KAZN: variants seen among roughly 807,000 people sequenced by gnomAD.
The protein encoded by KAZN is kazrin.
A neutral mutation model predicts 87.4 loss-of-function variants in KAZN; 40 were observed. The observed-to-expected ratio is 0.46, with a 90% CI of 0.36 to 0.60. The LOEUF (loss-of-function observed/expected upper bound fraction) is 0.60. KAZN is among the 20% of genes least tolerant of loss of function. The probability of loss-of-function intolerance (pLI) is 0.00; values close to 1 mark genes in which losing one functional copy is unlikely to be tolerated. For synonymous variants in KAZN, 466 were observed against 458.3 expected (o/e 1.02, Z -0.22); for missense variants, 898 against 1,073.9 (o/e 0.84, Z 2.29).
chr1:14,322,300 T>C (rs912531350), intron 2 of KAZN, among the ~76,000 whole-genome samples: 1 of 152,090 alleles, frequency 6.6e-6, no homozygotes, highest in African/African-American at 2.4e-5. Context: ...AAACCAAGTA[T>C]GAAACAATGA....
chr1:14,542,671 A>G (rs1156812794), intron 2 of KAZN, among the ~76,000 whole-genome samples: 1 of 152,160 alleles, frequency 6.6e-6, no homozygotes, highest in Non-Finnish European at 1.5e-5. Flanking sequence ...TGAGCATAGT[A>G]TCGGATAGGT....
At chr1:13,987,772 T>C (rs1370932645) in intron 1 of KAZN, among the ~76,000 whole-genome samples, 2 of 152,184 alleles carry the variant, frequency 1.3e-5, no homozygotes, top group African/African-American at 4.8e-5. Flanking sequence ...TGTTACAATG[T>C]CAATTAAATT....
intron 1 of KAZN, among the ~76,000 whole-genome samples, chr1:14,699,712 G>A (rs1003938574): frequency 5.3e-5 from 8 of 152,218 alleles, no homozygotes; most frequent in Non-Finnish European, 8.8e-5. Context: ...GAACGAACCA[G>A]CCAGCGGTGT....
At chr1:14,101,468 G>T (rs1451849283) in intron 1 of KAZN, among the ~76,000 whole-genome samples, 1 of 152,212 alleles carries the variant, frequency 6.6e-6, no homozygotes, top group Non-Finnish European at 1.5e-5. Context: ...TTGAATCCAG[G>T]TTTATCTCAC....
At chr1:14,914,349 C>T (rs931981388) in intron 1 of KAZN, among the ~76,000 whole-genome samples, 2 of 152,238 alleles carry the variant, frequency 1.3e-5, no homozygotes, top group African/African-American at 2.4e-5. Flanking sequence ...CACCCACCAA[C>T]AGGAGAAAAG....
At chr1:14,977,988 G>C (rs1040481701) in intron 2 of KAZN, among the ~76,000 whole-genome samples, 2 of 148,244 alleles carry the variant, frequency 1.3e-5, no homozygotes, top group Non-Finnish European at 3.0e-5. Context: ...CATCTCCCTG[G>C]TTCAAGCGAT....
chr1:14,399,326 T>G (rs1205660795), intron 2 of KAZN, among the ~76,000 whole-genome samples: 4 of 152,140 alleles, frequency 2.6e-5, no homozygotes, highest in Non-Finnish European at 5.9e-5. Flanking sequence ...CCAAAGATGT[T>G]TTGATAACAG....
At chr1:14,929,120 C>T (rs1659503941) in intron 1 of KAZN, among the ~76,000 whole-genome samples, 1 of 152,250 alleles carries the variant, frequency 6.6e-6, no homozygotes, top group Non-Finnish European at 1.5e-5. Context: ...GGAAATTGGA[C>T]AGGAATCTGT....
rs148758520 is a variant in KAZN at position 14,687,132 on chromosome 1, C to T, written c.226+87909C>T. On this transcript the variant is annotated intron_variant, in intron 1 of 14. Coordinates refer to ENST00000376030, the MANE Select transcript of KAZN (RefSeq NM_201628.3). Reference sequence around the variant, plus strand: ...ACTATGGTTACCAGCATTCAAGGTACCCTCCCTTATTTTCACTGAGGTGGC... The same window carrying T: ...ACTATGGTTACCAGCATTCAAGGTATCCTCCCTTATTTTCACTGAGGTGGC... 3.6e-3 allele frequency among the ~76,000 whole-genome samples: 548 copies of T among 152,236 alleles called. 4 individuals carry two copies. The highest frequency in any genetic ancestry group is 0.013 in the African/African-American group (524 of 41,532).
intron 10 of KAZN, among the ~76,000 whole-genome samples, chr1:15,100,372 G>A (rs1214455316): frequency 1.3e-5 from 2 of 152,168 alleles, no homozygotes; most frequent in Admixed American, 1.3e-4. Context: ...TGCTGCCCCA[G>A]GAGCAGGGTG....
At chr1:14,085,561 T>C (rs910742600) in intron 1 of KAZN, among the ~76,000 whole-genome samples, 11 of 152,348 alleles carry the variant, frequency 7.2e-5, no homozygotes, top group Non-Finnish European at 1.0e-4. Flanking sequence ...ACTTAGCATA[T>C]TGCTTTTGAC....
intron 2 of KAZN, among the ~76,000 whole-genome samples, chr1:14,259,158 T>C (rs1650813459): frequency 6.6e-6 from 1 of 151,964 alleles, no homozygotes. Context: ...CTCACGTGGC[T>C]AGGCAGCATG....
At chr1:14,044,744 A>G (rs775644631) in intron 1 of KAZN, among the ~76,000 whole-genome samples, 1 of 152,234 alleles carries the variant, frequency 6.6e-6, no homozygotes, top group Non-Finnish European at 1.5e-5. Context: ...AGGCAATGTC[A>G]TGGAGTAAGG....
chr1:14,817,793 T>C (rs945739309), intron 1 of KAZN, among the ~76,000 whole-genome samples: 3 of 150,620 alleles, frequency 2.0e-5, no homozygotes, highest in African/African-American at 7.3e-5. Flanking sequence ...AAAAAAAAAG[T>C]CTGTAATTAT....
At chr1:14,584,617 T>A (rs938838839) in intron 2 of KAZN, among the ~76,000 whole-genome samples, 2 of 151,776 alleles carry the variant, frequency 1.3e-5, no homozygotes, top group African/African-American at 2.4e-5. Flanking sequence ...CTACCCCCAG[T>A]ACCTCAGTGT....
intron 1 of KAZN, among the ~76,000 whole-genome samples, chr1:14,165,703 C>G (rs1212420091): frequency 6.6e-6 from 1 of 152,216 alleles, no homozygotes; most frequent in East Asian, 1.9e-4. Flanking sequence ...TGGAGCAGTT[C>G]TTCTTGTCCT....
chr1:14,042,208 C>A (rs1641868225), intron 1 of KAZN, among the ~76,000 whole-genome samples: 1 of 151,482 alleles, frequency 6.6e-6, no homozygotes, highest in African/African-American at 2.4e-5. Flanking sequence ...TGGGAAATTT[C>A]CTCAGCATAA....
At chr1:14,645,437 G>A (rs1470161792) in intron 1 of KAZN, among the ~76,000 whole-genome samples, 1 of 152,144 alleles carries the variant, frequency 6.6e-6, no homozygotes, top group Non-Finnish European at 1.5e-5. Flanking sequence ...CCATAAACAG[G>A]GGATAGTTTT....
At chr1:14,802,607 CCGTCTCGGGG>C (rs1646073261) in intron 1 of KAZN, among the ~76,000 whole-genome samples, 1 of 152,158 alleles carries the variant, frequency 6.6e-6, no homozygotes, top group Non-Finnish European at 1.5e-5. Context: ...CAGAGCGCAG[CCGTCTCGGGG>C]CTGGGAAACC....
Sources: gnomAD v4.1 joint callset for allele counts (sites outside exome capture counted in the v4.1 genomes callset) on GRCh38, gnomAD v4.1.1 for gene constraint, MANE v1.5 for transcripts, NCBI Gene and HGNC (gene_info 2026-07-23, HGNC 2026-07-21) for gene names.